Variants in IL1RAPL1 observed in about 807,000 individuals in gnomAD.
IL1RAPL1 encodes interleukin 1 receptor accessory protein like 1, also known as interleukin-1 receptor accessory protein-like 1.
Under a neutral mutation model 48.4 loss-of-function variants are expected in IL1RAPL1, and 3 were observed. That is an observed-to-expected ratio of 0.06 (90% CI 0.03 to 0.16). The LOEUF is 0.16. IL1RAPL1 is among the 10% of genes least tolerant of loss of function. The probability of loss-of-function intolerance (pLI) is 1.00; values close to 1 mark genes in which losing one functional copy is unlikely to be tolerated. For synonymous variants in IL1RAPL1, 185 were observed against 187.7 expected (o/e 0.99, Z 0.12); for missense variants, 349 against 530.6 (o/e 0.66, Z 3.36).
chrX:29,599,534 T>C (rs778205520), intron 5 of IL1RAPL1, among the ~76,000 whole-genome samples: 8 of 112,195 alleles, frequency 7.1e-5, no homozygotes, highest in Admixed American at 6.6e-4. Context: ...TGGGTGTTCT[T>C]TGAGCTTCTT....
Position 28,615,199 on chromosome X carries a change from GTTTTTTTTTTTTTTT to G in IL1RAPL1, c.-25+27173_-25+27187del, listed in dbSNP as rs778402885. ...CACTGCGCCTGGCCAACTGTTGTCT[GTTTTTTTTTTTTTTT>G]TTTTTTTTTTTTTTTTTTTTACCTA... On this transcript the variant is annotated intron_variant, in intron 1 of 10. Transcript: ENST00000378993. 1.0e-3 allele frequency among the ~76,000 whole-genome samples: 26 copies of G among 26,058 alleles called. No individual in the cohort carries two copies. In the South Asian group the frequency reaches 0.046, roughly 46 times the overall value. The allele number at this position is 26,058 out of a possible 115,157, so 22.6% of individuals were successfully genotyped here.
At chrX:29,389,089 G>A (rs1933821082) in intron 3 of IL1RAPL1, among the ~76,000 whole-genome samples, 1 of 111,332 alleles carries the variant, frequency 9.0e-6, no homozygotes, top group East Asian at 2.8e-4. Flanking sequence ...AGGTGCGGTG[G>A]CTCACATCTG....
At chrX:28,924,945 A>G (rs1244856895) in intron 2 of IL1RAPL1, among the ~76,000 whole-genome samples, 2 of 112,137 alleles carry the variant, frequency 1.8e-5, no homozygotes, top group Admixed American at 9.5e-5. Flanking sequence ...TTTCTTTATC[A>G]TAACGAGTGT....
intron 5 of IL1RAPL1, among the ~76,000 whole-genome samples, chrX:29,550,224 C>T (rs181140213): frequency 0.017 from 1,899 of 111,131 alleles, 44 homozygotes; most frequent in African/African-American, 0.059. Context: ...TGGATTCTCA[C>T]TCTGTCGCCC....
Position 29,611,858 on chromosome X carries a change from C to T in IL1RAPL1, c.704-56572C>T, listed in dbSNP as rs1024141976. On this transcript the variant is annotated intron_variant, in intron 5 of 10. Coordinates refer to ENST00000378993, the MANE Select transcript of IL1RAPL1 (RefSeq NM_014271.4). The stretch of plus-strand genomic sequence containing the variant: ...GGTATGGACTGGGAAGATGATCATC[C>T]CCTGGAGTTCAGCTGTCCTTGCCTG... Among the ~76,000 whole-genome samples, 36 of 110,612 alleles carry T rather than the reference C, an allele frequency of 3.3e-4. 1 individual carries two copies. Among genetic ancestry groups the T allele is most frequent in the South Asian group, 3.9e-4 (1 of 2,566 alleles).
intron 5 of IL1RAPL1, among the ~76,000 whole-genome samples, chrX:29,592,821 C>G (rs1923420941): frequency 1.8e-5 from 2 of 111,988 alleles, no homozygotes; most frequent in Non-Finnish European, 3.8e-5. Flanking sequence ...TTGATTTCCT[C>G]AGAGCCAGTG....
chrX:29,378,523 A>AG (rs1933652708), intron 3 of IL1RAPL1, among the ~76,000 whole-genome samples: 1 of 112,002 alleles, frequency 8.9e-6, no homozygotes, highest in Non-Finnish European at 1.9e-5. Flanking sequence ...CTGTGGTGTA[A>AG]GTTGGGTATA....
At chrX:29,801,076 A>AAAAAAAAAAAAAAAAAAAAAAAAC (rs1569172133) in intron 6 of IL1RAPL1, among the ~76,000 whole-genome samples, 1 of 87,013 alleles carries the variant, frequency 1.1e-5, no homozygotes, top group African/African-American at 5.6e-5. Context: ...AAAAAAAAAA[A>AAAAAAAAAAAAAAAAAAAAAAAAC]AAAACTCATC....
intron 2 of IL1RAPL1, among the ~76,000 whole-genome samples, chrX:29,018,338 T>G (rs1926287711): frequency 8.9e-6 from 1 of 112,115 alleles, no homozygotes; most frequent in Admixed American, 9.5e-5. Context: ...ATGCATGCAT[T>G]TGCAAATATA....
intron 2 of IL1RAPL1, among the ~76,000 whole-genome samples, chrX:28,990,368 T>C (rs1272777946): frequency 3.6e-5 from 4 of 112,079 alleles, no homozygotes; most frequent in Non-Finnish European, 7.5e-5. Flanking sequence ...AAATCGGGGA[T>C]AGTATCATTG....
intron 2 of IL1RAPL1, among the ~76,000 whole-genome samples, chrX:28,978,671 A>C (rs982504378): frequency 1.8e-5 from 2 of 111,990 alleles, no homozygotes; most frequent in Non-Finnish European, 3.8e-5. Context: ...AAATGTGACT[A>C]GTCAGATTAT....
At chrX:29,530,545 A>G (rs1388326249) in intron 5 of IL1RAPL1, among the ~76,000 whole-genome samples, 2 of 112,005 alleles carry the variant, frequency 1.8e-5, no homozygotes, top group Non-Finnish European at 3.8e-5. Flanking sequence ...TCGGTCATTG[A>G]CTGAGGGCTT....
At chrX:28,604,511 G>A (rs1003156652) in intron 1 of IL1RAPL1, among the ~76,000 whole-genome samples, 3 of 110,103 alleles carry the variant, frequency 2.7e-5, no homozygotes, top group African/African-American at 6.6e-5. Flanking sequence ...GGTGGATCAC[G>A]AGGTCAAGAG....
intron 6 of IL1RAPL1, among the ~76,000 whole-genome samples, chrX:29,749,921 T>C (rs1291927151): frequency 3.6e-5 from 4 of 111,890 alleles, no homozygotes; most frequent in Admixed American, 9.6e-5. Flanking sequence ...CTGACTCTTA[T>C]TTCCTGATAT....
At chrX:29,816,884 A>G (rs1457874723) in intron 6 of IL1RAPL1, among the ~76,000 whole-genome samples, 1 of 110,286 alleles carries the variant, frequency 9.1e-6, no homozygotes, top group Non-Finnish European at 1.9e-5. Flanking sequence ...AGTAGCCTCT[A>G]TGTAAATATC....
chrX:28,850,717 A>G (rs1265258590), intron 2 of IL1RAPL1, among the ~76,000 whole-genome samples: 1 of 110,244 alleles, frequency 9.1e-6, no homozygotes, highest in African/African-American at 3.3e-5. Context: ...AACCTGGATT[A>G]CCACATGCAA....
intron 2 of IL1RAPL1, among the ~76,000 whole-genome samples, chrX:29,135,968 C>A (rs984364329): frequency 9.0e-6 from 1 of 111,425 alleles, no homozygotes; most frequent in African/African-American, 3.3e-5. Flanking sequence ...AACTCCTGAC[C>A]TCAAGTGATC....
Position 28,853,303 on chromosome X carries a change from C to T in IL1RAPL1, c.82+63878C>T, listed in dbSNP as rs1000105785. ...CCTAAAATGTAGGTATCATTGGTGT[C>T]GAAATAAATATACCTTTGAAAACGA... On this transcript the variant is annotated intron_variant, in intron 2 of 10. Coordinates refer to ENST00000378993, the MANE Select transcript of IL1RAPL1 (RefSeq NM_014271.4). Among the ~76,000 whole-genome samples, 6 of 111,469 alleles carry T rather than the reference C, an allele frequency of 5.4e-5. No individual in the cohort carries two copies. The East Asian group carries it at 1.1e-3, about 21-fold the overall frequency.
chrX:28,799,846 G>T, intron 2 of IL1RAPL1, among the ~76,000 whole-genome samples: 1 of 111,601 alleles, frequency 9.0e-6, no homozygotes, highest in Non-Finnish European at 1.9e-5. Flanking sequence ...ACAGAGAGAA[G>T]ATGAATGGCA....
Sources: gnomAD v4.1 joint callset for allele counts (sites outside exome capture counted in the v4.1 genomes callset) on GRCh38, gnomAD v4.1.1 for gene constraint, MANE v1.5 for transcripts, NCBI Gene and HGNC (gene_info 2026-07-23, HGNC 2026-07-21) for gene names.